Variants in NFATC2 observed in about 807,000 individuals in gnomAD.
NFATC2 encodes the protein nuclear factor of activated T-cells, cytoplasmic 2.
NFATC2 carries 22 observed loss-of-function variants against 87.3 expected under a neutral mutation model. The observed-to-expected ratio is 0.25, with a 90% CI of 0.18 to 0.36. The LOEUF (loss-of-function observed/expected upper bound fraction) is 0.36. Among genes scored for constraint, NFATC2 ranks in the 10% least tolerant of loss-of-function variants. NFATC2 has a pLI of 1.00. For missense variants in NFATC2, 1,149 were observed against 1,259.1 expected, an observed-to-expected ratio of 0.91 and a Z score of 1.32; for synonymous variants, 565 against 542.2, an observed-to-expected ratio of 1.04 and a Z score of -0.58.
At chr20:51,426,057 C>G (rs766865184) in intron 9 of NFATC2, among the ~76,000 whole-genome samples, 2 of 152,180 alleles carry the variant, frequency 1.3e-5, no homozygotes, top group Non-Finnish European at 2.9e-5. Context: ...ACTCATCTAT[C>G]CCATGGAAGA....
rs1406383415 is a variant in NFATC2 at position 51,391,256 on chromosome 20, A to G, written c.*240T>C. 2.3e-6 allele frequency: 2 copies of G among 872,292 alleles called. No homozygotes were observed. Among genetic ancestry groups the G allele is most frequent in the African/African-American group, 1.7e-5 (1 of 60,484 alleles). The allele number at this position is 872,292 out of a possible 1,614,324, so 54.0% of individuals were successfully genotyped here. On this transcript the variant is annotated 3_prime_UTR_variant, in exon 11 of 11. Coordinates refer to ENST00000371564, the MANE Select transcript of NFATC2 (RefSeq NM_012340.5). ...AGGGAGGTGGCGAGCTCCTTAAGTG[A>G]GAGTCCGCTTAGTGCCCATACATTG...
chr20:51,539,947 C>A (rs1180501167), intron 1 of NFATC2, among the ~76,000 whole-genome samples: 2 of 152,180 alleles, frequency 1.3e-5, no homozygotes, highest in Non-Finnish European at 2.9e-5. Flanking sequence ...TTTGAAGAAA[C>A]TGAGAAAAGC....
At chr20:51,476,309 T>C (rs1424800769) in intron 3 of NFATC2, among the ~76,000 whole-genome samples, 1 of 146,544 alleles carries the variant, frequency 6.8e-6, no homozygotes, top group Non-Finnish European at 1.5e-5. Context: ...TATATGACTA[T>C]ATTCCAATGA....
At chr20:51,391,832 CT>C (rs1244099240) in intron 10 of NFATC2, among the ~76,000 whole-genome samples, 1 of 151,996 alleles carries the variant, frequency 6.6e-6, no homozygotes, top group Non-Finnish European at 1.5e-5. Context: ...TTTTTAAATA[CT>C]TTTTTTGTTG....
intron 9 of NFATC2, 36 bp from the exon 10 acceptor site, chr20:51,398,766 A>G (rs2146227374): frequency 1.4e-6 from 2 of 1,427,840 alleles, no homozygotes; most frequent in South Asian, 1.2e-5. Context: ...TTGAGAAGAA[A>G]AAAAAAAATC....
chr20:51,392,218 G>A (rs537460530), intron 10 of NFATC2, among the ~76,000 whole-genome samples: 1 of 152,334 alleles, frequency 6.6e-6, no homozygotes, highest in South Asian at 2.1e-4. Flanking sequence ...GAGAGCAAGT[G>A]AGGGCCCCCC....
At position 51,562,586 on chromosome 20, in the gene NFATC2, AG is replaced by A. The variant is rs1375627778; in HGVS notation, c.43del (p.Leu15SerfsTer58). The A allele has an allele frequency of 6.4e-7, 1 of 1,551,226 alleles. No individual in the cohort carries two copies. Reference sequence around the variant, plus strand: ...TTGGTCCACAGACCCCATGATGCGGAGGGGATGGCAGTGCCCCAGTCTGAAC... The same window carrying A: ...TTGGTCCACAGACCCCATGATGCGGAGGGATGGCAGTGCCCCAGTCTGAAC... On this transcript the variant is annotated frameshift_variant, in exon 1 of 11. Transcript: ENST00000414705. LOFTEE classifies it high-confidence loss of function. The surrounding 1 kb of genome is among the most constrained non-coding windows in gnomAD (Gnocchi z 5.8).
At chr20:51,400,407 C>T (rs1254929502) in intron 9 of NFATC2, among the ~76,000 whole-genome samples, 2 of 150,938 alleles carry the variant, frequency 1.3e-5, no homozygotes, top group Admixed American at 6.6e-5. Context: ...CCACCCAGAA[C>T]ACGAGTTCTC....
intron 3 of NFATC2, among the ~76,000 whole-genome samples, chr20:51,508,183 G>A (rs910155716): frequency 2.0e-5 from 3 of 152,050 alleles, no homozygotes; most frequent in Non-Finnish European, 4.4e-5. Context: ...CCCTTCTACT[G>A]TGGGCTGAAA....
intron 1 of NFATC2, among the ~76,000 whole-genome samples, chr20:51,540,654 T>TTTG (rs1555818304): frequency 1.7e-4 from 22 of 131,162 alleles, no homozygotes; most frequent in East Asian, 1.5e-3. Flanking sequence ...GAAGTTTTTT[T>TTTG]TTTGTTTTTT....
intron 1 of NFATC2, among the ~76,000 whole-genome samples, chr20:51,561,568 T>TCCCCCCCC (rs113481949): frequency 5.5e-5 from 7 of 126,632 alleles, no homozygotes; most frequent in African/African-American, 1.6e-4. Flanking sequence ...TGTCATTTCT[T>TCCCCCCCC]CCCCCCCCCA....
chr20:51,399,539 T>TTCAAGGGAGACA (rs1987756415), intron 9 of NFATC2, among the ~76,000 whole-genome samples: 1 of 152,234 alleles, frequency 6.6e-6, no homozygotes, highest in Admixed American at 6.5e-5. Context: ...AAATCTCATC[T>TTCAAGGGAGACA]TCAAGGGAGA....
Position 51,480,289 on chromosome 20 carries a change from A to AAAAAAAT in NFATC2, c.1333-4636_1333-4630dup, listed in dbSNP as rs539734834. ...GGTCACAAAGCAAGACTCTGTCTCA[A>AAAAAAAT]AAAAAATAGAATGTGCTTCCTGCCG... On this transcript the variant is annotated intron_variant, in intron 3 of 10. Transcript: ENST00000371564. This position sits in a 1 kb window ranked among gnomAD's most constrained non-coding sequence, Gnocchi z 4.2. Among the ~76,000 whole-genome samples the AAAAAAAT allele has an allele frequency of 6.6e-6, 1 of 151,578 alleles. No homozygotes were observed. The highest frequency in any genetic ancestry group is 1.5e-5 in the Non-Finnish European group (1 of 67,930).
chr20:51,398,631 G>T lies in NFATC2; in HGVS notation c.*44+12C>A. The T allele has an allele frequency of 6.4e-7, 1 of 1,570,728 alleles. No homozygotes were observed. The highest frequency in any genetic ancestry group is 8.7e-7 in the Non-Finnish European group (1 of 1,153,072). The stretch of plus-strand genomic sequence containing the variant: ...CTGGAAAACAAAAGGAGAAGCAGAA[G>T]ATATCGATTACCTTTAACTTTGATT... On this transcript the variant is annotated intron_variant, in intron 10 of 10. Transcript: ENST00000371564.
At chr20:51,424,451 C>T (rs1224677881) in intron 9 of NFATC2, among the ~76,000 whole-genome samples, 1 of 152,174 alleles carries the variant, frequency 6.6e-6, no homozygotes, top group South Asian at 2.1e-4. Flanking sequence ...GAACCCTCAC[C>T]GTGCGCGTCT....
intron 5 of NFATC2, among the ~76,000 whole-genome samples, chr20:51,463,321 G>A (rs868638831): frequency 6.6e-6 from 1 of 152,226 alleles, no homozygotes; most frequent in East Asian, 1.9e-4. Context: ...GGTATGATGT[G>A]TGCAAATGCA....
At chr20:51,545,195 A>G (rs1311817492), upstream of NFATC2, among the ~76,000 whole-genome samples, 7 of 152,202 alleles carry the variant, frequency 4.6e-5, no homozygotes, top group Non-Finnish European at 1.0e-4. Flanking sequence ...AAAGCTAGGA[A>G]TGCCTCCCCA....
In NFATC2 at chr20:51,390,142, A is replaced by T. The variant is rs903931180; in HGVS notation, c.*1354T>A. The T allele has an allele frequency of 7.9e-5, 12 of 152,124 alleles. No individual in the cohort carries two copies. The highest frequency in any genetic ancestry group is 2.9e-4 in the African/African-American group (12 of 41,404). The allele number at this position is 152,124 out of a possible 1,614,324, so 9.4% of individuals were successfully genotyped here. ...GTTGGGAGGAAGGAAATCACATATA[A>T]CATGCAACCGAATAGAGCTCATTCA... On this transcript the variant is annotated 3_prime_UTR_variant, in exon 11 of 11. Coordinates refer to ENST00000371564, the MANE Select transcript of NFATC2 (RefSeq NM_012340.5).
At chr20:51,403,809 C>T (rs1988294303) in intron 9 of NFATC2, among the ~76,000 whole-genome samples, 1 of 152,138 alleles carries the variant, frequency 6.6e-6, no homozygotes, top group Non-Finnish European at 1.5e-5. Flanking sequence ...GGATTGCTAG[C>T]CTCTAGAATT....
Sources: allele counts gnomAD v4.1 joint callset (sites outside exome capture counted in the v4.1 genomes callset), GRCh38; gene constraint gnomAD v4.1.1; non-coding constraint Gnocchi (gnomAD v3.1); transcripts MANE v1.5; gene names NCBI Gene and HGNC (gene_info 2026-07-23, HGNC 2026-07-21).